The following RSPH9 variants were observed in gnomAD, a reference collection of about 807,000 sequenced individuals.
The protein encoded by RSPH9 is radial spoke head protein 9 homolog.
RSPH9 carries 27 observed loss-of-function variants against 27.0 expected under a neutral mutation model. The ratio of observed to expected loss-of-function variants is 1.00; its 90% CI spans 0.74 to 1.38. The LOEUF is 1.38. RSPH9 is among the 40% of genes most tolerant of loss of function. The pLI, the probability that RSPH9 is intolerant of heterozygous loss-of-function variation, is 0.00. For missense variants in RSPH9, 347 were observed against 357.4 expected (o/e 0.97, Z 0.24); for synonymous variants, 145 against 147.7 (o/e 0.98, Z 0.13).
intron 4 of RSPH9, among the ~76,000 whole-genome samples, chr6:43,660,132 C>T (rs1291029140): frequency 2.7e-5 from 4 of 150,760 alleles, no homozygotes; most frequent in African/African-American, 9.8e-5. Context: ...CAACCCCTGC[C>T]TCCTGGGTTC....
intron 2 of RSPH9, among the ~76,000 whole-genome samples, chr6:43,654,248 T>G (rs551713419): frequency 4.6e-5 from 7 of 152,318 alleles, no homozygotes; most frequent in Admixed American, 4.6e-4. Flanking sequence ...ATGAAATCCT[T>G]TTGTTCAGAG....
Position 43,645,251 on chromosome 6 carries a change from T to C in RSPH9, c.153T>C (p.Leu51=). The C allele has an allele frequency of 6.2e-7, 1 of 1,614,076 alleles. No homozygotes were observed. Among genetic ancestry groups the C allele is most frequent in the Non-Finnish European group, 8.5e-7 (1 of 1,180,012 alleles). ...YDRVLFWGRI[L]GLVADYYIAQ... ...GGGTTCTCTTCTGGGGCCGCATCCT[T>C]GGCCTCGTCGCCGATTACTACATCG... is the stretch of plus-strand genomic sequence containing the variant. The change falls in exon 1 of 5, where the codon CTT becomes CTC. Residue 51 remains leucine (L), a synonymous_variant. Transcript: ENST00000372163.
intron 3 of RSPH9, 131 bp downstream of exon 3, chr6:43,655,822 TGGGA>T (rs770579438): frequency 3.5e-5 from 38 of 1,101,032 alleles, no homozygotes; most frequent in Non-Finnish European, 5.1e-5. Flanking sequence ...CCTTATCACC[TGGGA>T]GGGTGTGCCC....
chr6:43,669,628 CA>C (rs1773513647), intron 4 of RSPH9, among the ~76,000 whole-genome samples: 1 of 152,224 alleles, frequency 6.6e-6, no homozygotes, highest in African/African-American at 2.4e-5. Flanking sequence ...CCAAAACTTT[CA>C]AAGCATTTGC....
rs144608254 is a variant in RSPH9 at position 43,671,405 on chromosome 6, T to C, written c.*456T>C. On this transcript the variant is annotated 3_prime_UTR_variant, in exon 5 of 5. Transcript: ENST00000372163. The stretch of plus-strand genomic sequence containing the variant: ...AATGCTCAGCACCCAGCTGGCAATG[T>C]GCCCAGGACCCCCTGCACTTCCCAA... 2.0e-4 allele frequency: 79 copies of C among 402,482 alleles called. No homozygotes were observed. Among genetic ancestry groups the C allele is most frequent in the African/African-American group, 1.6e-3 (77 of 49,644 alleles). 24.9% of individuals were successfully genotyped at this position (402,482 alleles called of 1,614,324 possible).
chr6:43,651,315 T>G (rs750628208), intron 2 of RSPH9, among the ~76,000 whole-genome samples: 1 of 152,042 alleles, frequency 6.6e-6, no homozygotes, highest in Non-Finnish European at 1.5e-5. Context: ...ATAAAGGCAG[T>G]GGGTAGGCTC....
chr6:43,666,156 T>C (rs1773114306), intron 4 of RSPH9, among the ~76,000 whole-genome samples: 1 of 152,048 alleles, frequency 6.6e-6, no homozygotes, highest in African/African-American at 2.4e-5. Flanking sequence ...GATGGTTCGA[T>C]GAGGGTCATG....
chr6:43,671,280 C>T lies in RSPH9; in HGVS notation c.*331C>T. On this transcript the variant is annotated 3_prime_UTR_variant, in exon 5 of 5. Coordinates refer to ENST00000372163, the MANE Select transcript of RSPH9 (RefSeq NM_152732.5). The stretch of plus-strand genomic sequence containing the variant: ...GCCCACCTTGGCTCCCTGCAGCTCT[C>T]CCACAGTAAGGAGCTCACAGCTGTC... 1 of 482,916 alleles carries T rather than the reference C, an allele frequency of 2.1e-6. No homozygotes were observed. Among genetic ancestry groups the T allele is most frequent in the Non-Finnish European group, 3.8e-6 (1 of 265,754 alleles). 29.9% of individuals were successfully genotyped at this position (482,916 alleles called of 1,614,324 possible).
At chr6:43,668,796 G>A (rs1003755033) in intron 4 of RSPH9, among the ~76,000 whole-genome samples, 2 of 152,234 alleles carry the variant, frequency 1.3e-5, no homozygotes, top group Non-Finnish European at 2.9e-5. Flanking sequence ...TAGAGATGAG[G>A]CAGTCTGGTC....
chr6:43,666,593 G>A, intron 4 of RSPH9: 1 of 969,988 alleles, frequency 1.0e-6, no homozygotes, highest in East Asian at 2.7e-5. Context: ...AGAGGAGTGG[G>A]AGAGCTGTTG....
chr6:43,651,622 C>A (rs1412802256), intron 2 of RSPH9, among the ~76,000 whole-genome samples: 1 of 152,032 alleles, frequency 6.6e-6, no homozygotes, highest in Admixed American at 6.6e-5. Context: ...CATCTCAGCT[C>A]ACTGCAACCT....
At chr6:43,652,617 G>T (rs1201329841) in intron 2 of RSPH9, among the ~76,000 whole-genome samples, 2 of 151,590 alleles carry the variant, frequency 1.3e-5, no homozygotes, top group Non-Finnish European at 2.9e-5. Flanking sequence ...GTAGAGACGG[G>T]GTTTCACCAT....
At chr6:43,665,343 G>A (rs1773036134) in intron 4 of RSPH9, among the ~76,000 whole-genome samples, 1 of 152,194 alleles carries the variant, frequency 6.6e-6, no homozygotes, top group African/African-American at 2.4e-5. Context: ...CTTCCTAAAG[G>A]CTGCTGGGGT....
At chr6:43,647,414 G>T (rs1408957940) in intron 1 of RSPH9, among the ~76,000 whole-genome samples, 1 of 152,208 alleles carries the variant, frequency 6.6e-6, no homozygotes, top group Non-Finnish European at 1.5e-5. Context: ...GGAGTCCATT[G>T]TAGTGTCCAT....
At chr6:43,658,551 T>C (rs1772281689) in intron 4 of RSPH9, among the ~76,000 whole-genome samples, 1 of 151,940 alleles carries the variant, frequency 6.6e-6, no homozygotes, top group South Asian at 2.1e-4. Flanking sequence ...ATCATAATCT[T>C]TTTGCTGGTG....
rs70993404 is a variant in RSPH9 at position 43,655,988 on chromosome 6, ACTTC to A, written c.523+343_523+346del. Among the ~76,000 whole-genome samples, 7,656 of 113,538 alleles carry A rather than the reference ACTTC, an allele frequency of 0.067. 332 individuals are homozygous for A. Among genetic ancestry groups the A allele is most frequent in the Middle Eastern group, 0.094 (21 of 224 alleles). 74.5% of individuals were successfully genotyped at this position (113,538 alleles called of 152,430 possible). A position where few individuals can be genotyped will look rare whatever the true frequency, so the allele number is the denominator to read the frequency against. ...CTTTTCCTATCTCCTTCCTCCTTGGACTTCCTTCCTTCCTTCCTTCCTTCCTTCC... is the reference window on the plus strand; with the variant it reads ...CTTTTCCTATCTCCTTCCTCCTTGGACTTCCTTCCTTCCTTCCTTCCTTCC... On this transcript the variant is annotated intron_variant, in intron 3 of 4. Coordinates refer to ENST00000372163, the MANE Select transcript of RSPH9 (RefSeq NM_152732.5).
intron 3 of RSPH9, 129 bp from the exon 4 acceptor site, chr6:43,656,448 T>C (rs1582386718): frequency 9.3e-7 from 1 of 1,080,854 alleles, no homozygotes; most frequent in East Asian, 2.4e-5. Flanking sequence ...TCCCTTTCCT[T>C]CCTTTAGCTC....
Position 43,672,112 on chromosome 6 carries a change from C to T in RSPH9, c.*1163C>T. On this transcript the variant is annotated 3_prime_UTR_variant, in exon 5 of 5. Coordinates refer to ENST00000372163, the MANE Select transcript of RSPH9 (RefSeq NM_152732.5). ...TGGGCTGGGCTCTTGCTGCCGCAAG[C>T]CTGTGTGGCCAGGTTCAGGCAGCCC... is the stretch of plus-strand genomic sequence containing the variant. The T allele has an allele frequency of 1.6e-6, 1 of 635,300 alleles. No individual in the cohort carries two copies. The highest frequency in any genetic ancestry group is 2.8e-5 in the East Asian group (1 of 35,370). The allele number at this position is 635,300 out of a possible 1,614,324, so 39.4% of individuals were successfully genotyped here.
rs1045302454 is a variant in RSPH9, at chr6:43,645,131, G to C, written c.33G>C (p.Glu11Asp). 5 of 1,612,896 alleles carry C rather than the reference G, an allele frequency of 3.1e-6. No individual in the cohort carries two copies. In the African/African-American group the frequency reaches 5.3e-5, roughly 17 times the overall value. Residue 11 changes from glutamate to aspartate, a missense_variant, in exon 1 of 5, where the codon GAG (glutamate) becomes GAC (aspartate). Glu to Asp is a conservative substitution (Grantham distance 45). Transcript: ENST00000372163. ...CCGACAGCCTCCTGCTGTCTCTGGA[G>C]CTGGCGTCCGGCAGTGGGCAGGGCC... MDADSLLLSLELASGSGQGLS... is the reference protein window; with the variant it reads MDADSLLLSLDLASGSGQGLS...
Sources: gnomAD v4.1 joint callset for allele counts (sites outside exome capture counted in the v4.1 genomes callset) on GRCh38, gnomAD v4.1.1 for gene constraint, MANE v1.5 for transcripts, NCBI Gene and HGNC (gene_info 2026-07-23, HGNC 2026-07-21) for gene names.